Variants in QPCT observed in about 807,000 individuals in gnomAD.
QPCT encodes the protein EC.
In QPCT, 44 loss-of-function variants were observed where a neutral mutation model predicts 43.4. That is an observed-to-expected ratio of 1.01 (90% CI 0.80 to 1.30). The LOEUF is 1.30. QPCT is among the 50% of genes most tolerant of loss of function. The probability of loss-of-function intolerance (pLI) is 0.00; values close to 1 mark genes in which losing one functional copy is unlikely to be tolerated. For missense variants in QPCT, 526 were observed against 436.5 expected, an observed-to-expected ratio of 1.21 and a Z score of -1.83; for synonymous variants, 168 against 168.4, an observed-to-expected ratio of 1.00 and a Z score of 0.02.
chr2:37,347,170 T>TATATATATAACACATATATAAC (rs1672512810), intron 1 of QPCT, among the ~76,000 whole-genome samples: 1 of 52,850 alleles, frequency 1.9e-5, no homozygotes, highest in South Asian at 6.0e-4. Flanking sequence ...ATATAACATA[T>TATATATATAACACATATATAAC]ATATATATAA....
rs1286748194 is a variant in QPCT, at chr2:37,372,677, A to C, written c.941-5A>C. On this transcript the variant is annotated splice_polypyrimidine_tract_variant and splice_region_variant and intron_variant, in intron 6 of 6. Coordinates refer to ENST00000338415, the MANE Select transcript of QPCT (RefSeq NM_012413.4). ...CATTGTTACAAGTTGGTTCTTTCTT[A>C]ATAGGTGTTCCAGTTCTGCATCTGA... 3 of 1,611,188 alleles carry C rather than the reference A, an allele frequency of 1.9e-6. No homozygotes were observed. The highest frequency in any genetic ancestry group is 2.7e-5 in the African/African-American group (2 of 74,744).
Position 37,352,835 on chromosome 2 carries a change from T to G in QPCT, c.167T>G (p.Ile56Ser). ...TTGAATTCATCGGCTCTTCGGCAAA[T>G]TGCAGAAGGCACCAGTATCTCTGAA... is the stretch of plus-strand genomic sequence containing the variant. ...AILNSSALRQ[I>S]AEGTSISEMW... Residue 56 changes from isoleucine (I) to serine (S), a missense_variant, in exon 2 of 7, where the codon ATT becomes AGT. Coordinates refer to ENST00000338415, the MANE Select transcript of QPCT (RefSeq NM_012413.4). 1 of 1,614,182 alleles carries G rather than the reference T, an allele frequency of 6.2e-7. No individual in the cohort carries two copies. The highest frequency in any genetic ancestry group is 1.3e-5 in the African/African-American group (1 of 75,064).
intron 1 of QPCT, among the ~76,000 whole-genome samples, chr2:37,347,243 T>TAAC (rs1672524566): frequency 2.9e-5 from 3 of 103,798 alleles, no homozygotes; most frequent in African/African-American, 1.1e-4. Flanking sequence ...TATATATATA[T>TAAC]ATAACATATA....
intron 1 of QPCT, among the ~76,000 whole-genome samples, chr2:37,352,419 G>T (rs1672639862): frequency 6.6e-6 from 1 of 152,140 alleles, no homozygotes; most frequent in African/African-American, 2.4e-5. Context: ...GACCTCCTGG[G>T]CTCAAGCAAT....
At chr2:37,348,262 C>T (rs748180799) in intron 1 of QPCT, among the ~76,000 whole-genome samples, 6 of 152,114 alleles carry the variant, frequency 3.9e-5, no homozygotes, top group Non-Finnish European at 7.4e-5. Context: ...TGGACTCTTT[C>T]CTAGTCACAG....
chr2:37,351,657 G>C (rs1672628280), intron 1 of QPCT, among the ~76,000 whole-genome samples: 2 of 152,072 alleles, frequency 1.3e-5, no homozygotes, highest in African/African-American at 4.8e-5. Context: ...CGAGGTGGGT[G>C]GATCACCTGA....
At chr2:37,368,631 G>A (rs1410540338) in intron 4 of QPCT, 1 of 471,108 alleles carries the variant, frequency 2.1e-6, no homozygotes, top group Non-Finnish European at 4.4e-6. Flanking sequence ...GTTATCCATT[G>A]GCAGCTCCTA....
At chr2:37,358,627 C>G (rs975380433) in intron 2 of QPCT, 6 of 152,206 alleles carry the variant, frequency 3.9e-5, no homozygotes, top group African/African-American at 1.4e-4. Context: ...AGTGATGCTA[C>G]TTTCTGCACC....
intron 4 of QPCT, chr2:37,368,558 T>C (rs1181468212): frequency 4.2e-6 from 2 of 470,782 alleles, no homozygotes; most frequent in African/African-American, 4.0e-5. Flanking sequence ...AAAGTACAAA[T>C]GGTCACATTC....
At chr2:37,361,768 G>A (rs910751850) in intron 3 of QPCT, among the ~76,000 whole-genome samples, 1 of 152,166 alleles carries the variant, frequency 6.6e-6, no homozygotes, top group Admixed American at 6.5e-5. Flanking sequence ...TGTGTTGATG[G>A]GGTGTTATTC....
chr2:37,350,598 A>T (rs1166885665), intron 1 of QPCT, among the ~76,000 whole-genome samples: 1 of 152,224 alleles, frequency 6.6e-6, no homozygotes, highest in African/African-American at 2.4e-5. Flanking sequence ...GCAGAGTAAA[A>T]CTAGCATGGG....
intron 3 of QPCT, among the ~76,000 whole-genome samples, chr2:37,366,904 C>G (rs754688518): frequency 6.6e-6 from 1 of 152,198 alleles, no homozygotes; most frequent in Non-Finnish European, 1.5e-5. Flanking sequence ...GGCAACACAC[C>G]CTCCTGTATG....
rs1672653056 is a variant in QPCT, at chr2:37,352,894, G to C, written c.226G>C (p.Glu76Gln). 1.9e-6 allele frequency: 3 copies of C among 1,614,126 alleles called. No individual in the cohort carries two copies. The highest frequency in any genetic ancestry group is 2.7e-5 in the African/African-American group (2 of 75,046). ...WQNDLQPLLI[E>Q]RYPGSPGSYA... ...AAATGACTTACAGCCATTGCTGATA[G>C]AGCGATACCCGGGATCCCCTGGAAG... Residue 76 changes from glutamate (E) to glutamine (Q), a missense_variant, in exon 2 of 7, where the codon GAG becomes CAG. Glu to Gln is a conservative substitution (Grantham distance 29). Transcript: ENST00000338415.
Position 37,347,145 on chromosome 2 carries a change from TATATATATATATATATATAAC to T in QPCT, c.120+2308_120+2328del, listed in dbSNP as rs1428441235. ...ATTGGCATCTGGGTATGGGGTGTTT[TATATATATATATATATATAAC>T]ATATATATATATAACATATATATAT... On this transcript the variant is annotated intron_variant, in intron 1 of 6. Coordinates refer to ENST00000338415, the MANE Select transcript of QPCT (RefSeq NM_012413.4). Among the ~76,000 whole-genome samples the T allele has an allele frequency of 2.9e-3, 5 of 1,746 alleles. 1 individual carries two copies. The highest frequency in any genetic ancestry group is 0.14 in the South Asian group (2 of 14). 1.1% of individuals were successfully genotyped at this position (1,746 alleles called of 152,430 possible).
At chr2:37,365,645 A>T (rs1672944918) in intron 3 of QPCT, among the ~76,000 whole-genome samples, 1 of 152,210 alleles carries the variant, frequency 6.6e-6, no homozygotes, top group African/African-American at 2.4e-5. Context: ...AAAATTGATG[A>T]TGTAGGAGAG....
At position 37,347,144 on chromosome 2, in the gene QPCT, T is replaced by TTTATATATATATATA. The variant is rs1389307350; in HGVS notation, c.120+2294_120+2295insTATATATATATATAT. Among the ~76,000 whole-genome samples, 7 of 55,346 alleles carry TTTATATATATATATA rather than the reference T, an allele frequency of 1.3e-4. 1 individual carries two copies. The highest frequency in any genetic ancestry group is 1.7e-3 in the East Asian group (1 of 592). The allele number at this position is 55,346 out of a possible 152,430, so 36.3% of individuals were successfully genotyped here. A position where few individuals can be genotyped will look rare whatever the true frequency, so the allele number is the denominator to read the frequency against. On this transcript the variant is annotated intron_variant, in intron 1 of 6. Transcript: ENST00000338415. ...CATTGGCATCTGGGTATGGGGTGTT[T>TTTATATATATATATA]TATATATATATATATATATAACATA...
chr2:37,357,984 G>C (rs1210108094), intron 2 of QPCT, among the ~76,000 whole-genome samples: 1 of 151,962 alleles, frequency 6.6e-6, no homozygotes, highest in African/African-American at 2.4e-5. Flanking sequence ...TGTTAGATCT[G>C]AAATGTTGGT....
At chr2:37,356,319 T>A (rs1171466796) in intron 2 of QPCT, among the ~76,000 whole-genome samples, 1 of 151,710 alleles carries the variant, frequency 6.6e-6, no homozygotes, top group African/African-American at 2.4e-5. Context: ...TATCCCTATC[T>A]CCATCTCTCT....
chr2:37,348,512 C>T lies in QPCT; in HGVS notation c.120+3661C>T, dbSNP rs115721273. 8.0e-3 allele frequency among the ~76,000 whole-genome samples: 1,220 copies of T among 152,204 alleles called. 13 individuals are homozygous for T. Among genetic ancestry groups the T allele is most frequent in the African/African-American group, 0.028 (1,163 of 41,514 alleles). Reference sequence around the variant, plus strand: ...CAGAGGTGTTAATCTGAGAATTGCCCGGGAGACATTCATATAGAATAGAAA... The same window carrying T: ...CAGAGGTGTTAATCTGAGAATTGCCTGGGAGACATTCATATAGAATAGAAA... On this transcript the variant is annotated intron_variant, in intron 1 of 6. Coordinates refer to ENST00000338415, the MANE Select transcript of QPCT (RefSeq NM_012413.4).
Sources: gnomAD v4.1 joint callset for allele counts (sites outside exome capture counted in the v4.1 genomes callset) on GRCh38, gnomAD v4.1.1 for gene constraint, MANE v1.5 for transcripts, NCBI Gene and HGNC (gene_info 2026-07-23, HGNC 2026-07-21) for gene names.